Variants in HIP1 observed in about 807,000 individuals in gnomAD.
HIP1 encodes the protein huntingtin interacting protein 1.
A neutral mutation model predicts 147.6 loss-of-function variants in HIP1; 65 were observed. The ratio of observed to expected loss-of-function variants is 0.44; its 90% CI spans 0.36 to 0.54. The LOEUF (loss-of-function observed/expected upper bound fraction) is 0.54, where lower values mean the gene tolerates loss of function less well. HIP1 is among the 20% of genes least tolerant of loss of function. The pLI is 0.00. For missense variants in HIP1, 1,061 were observed against 1,299.6 expected, an observed-to-expected ratio of 0.82 and a Z score of 2.82; for synonymous variants, 479 against 504.0, an observed-to-expected ratio of 0.95 and a Z score of 0.67.
intron 1 of HIP1, among the ~76,000 whole-genome samples, chr7:75,663,962 A>G (rs138046786): frequency 0.016 from 464 of 29,440 alleles, 39 homozygotes; most frequent in Non-Finnish European, 0.018. Context: ...ATATATGTGT[A>G]TATATATATA....
intron 1 of HIP1, among the ~76,000 whole-genome samples, chr7:75,632,038 G>A (rs1281953002): frequency 3.3e-5 from 5 of 152,190 alleles, no homozygotes; most frequent in Non-Finnish European, 7.3e-5. Context: ...GCAACTCGGA[G>A]GGGCCTCCGA....
intron 1 of HIP1, among the ~76,000 whole-genome samples, chr7:75,643,874 C>T (rs57168743): frequency 0.049 from 7,523 of 152,106 alleles, 212 homozygotes; most frequent in African/African-American, 0.075. Flanking sequence ...GTGGCAGGCA[C>T]CTGTAATCTC....
At chr7:75,701,693 T>C (rs1800838276) in intron 1 of HIP1, among the ~76,000 whole-genome samples, 1 of 151,928 alleles carries the variant, frequency 6.6e-6, no homozygotes, top group Non-Finnish European at 1.5e-5. Context: ...CTACTAAAAA[T>C]AATTAAAGAA....
intron 1 of HIP1, among the ~76,000 whole-genome samples, chr7:75,601,556 A>G (rs1414423002): frequency 6.6e-6 from 1 of 151,778 alleles, no homozygotes; most frequent in Non-Finnish European, 1.5e-5. Context: ...AGATTCCACA[A>G]TTGCACTCCA....
chr7:75,729,674 T>C (rs1801770128), intron 1 of HIP1, among the ~76,000 whole-genome samples: 1 of 151,970 alleles, frequency 6.6e-6, no homozygotes, highest in African/African-American at 2.4e-5. Flanking sequence ...TAATCCCAGC[T>C]ACTCAGGAGG....
At chr7:75,542,189 A>C (rs782524254) in intron 28 of HIP1, among the ~76,000 whole-genome samples, 11 of 152,014 alleles carry the variant, frequency 7.2e-5, no homozygotes, top group East Asian at 3.9e-4. Context: ...TGAGGTCAGG[A>C]GTTTGAGACC....
At chr7:75,688,584 C>T (rs2117290672) in intron 1 of HIP1, among the ~76,000 whole-genome samples, 1 of 152,158 alleles carries the variant, frequency 6.6e-6, no homozygotes, top group Non-Finnish European at 1.5e-5. Context: ...GCCCCCCACG[C>T]ACACCCTCCA....
At chr7:75,670,474 T>C (rs1039760855) in intron 1 of HIP1, among the ~76,000 whole-genome samples, 3 of 152,154 alleles carry the variant, frequency 2.0e-5, no homozygotes, top group African/African-American at 7.2e-5. Context: ...ATTATCACTG[T>C]TTTTAAGTGT....
At chr7:75,614,589 T>C (rs587601466) in intron 1 of HIP1, among the ~76,000 whole-genome samples, 1 of 152,276 alleles carries the variant, frequency 6.6e-6, no homozygotes, top group East Asian at 1.9e-4. Context: ...GATTGCTTAA[T>C]GGGAACAGGG....
rs185760664 is a variant in HIP1, at chr7:75,631,136, T to A, written c.121-31889A>T. Among the ~76,000 whole-genome samples, 988 of 144,548 alleles carry A rather than the reference T, an allele frequency of 6.8e-3. 13 individuals carry two copies. The highest frequency in any genetic ancestry group is 0.023 in the African/African-American group (930 of 41,112). The allele number at this position is 144,548 out of a possible 152,430, so 94.8% of individuals were successfully genotyped here. On this transcript the variant is annotated intron_variant, in intron 1 of 30. Coordinates refer to ENST00000336926, the MANE Select transcript of HIP1 (RefSeq NM_005338.7). ...CGACCAAACCCAGATAATTTGTTTT[T>A]TAAATTTTTTTTTTTTTAGTAGAGA... is the stretch of plus-strand genomic sequence containing the variant.
At chr7:75,599,150 G>C in intron 2 of HIP1, 34 bp downstream of exon 2, 14 of 1,552,756 alleles carry the variant, frequency 9.0e-6, no homozygotes, top group Non-Finnish European at 1.2e-5. Flanking sequence ...ACCTCCCTCA[G>C]GGTCGGTCTT....
intron 1 of HIP1, among the ~76,000 whole-genome samples, chr7:75,730,341 A>AT (rs113646244): frequency 0.21 from 30,609 of 143,274 alleles, 3,831 homozygotes; most frequent in East Asian, 0.46. Flanking sequence ...GTAAAATAGG[A>AT]TTTTTTTTTT....
At position 75,546,899 on chromosome 7, in the gene HIP1, A is replaced by G. The variant is rs1209753329; in HGVS notation, c.2559+40T>C. The G allele has an allele frequency of 2.1e-6, 3 of 1,411,244 alleles. No homozygotes were observed. The African/African-American group carries it at 4.3e-5, about 20-fold the overall frequency. The allele number at this position is 1,411,244 out of a possible 1,614,324, so 87.4% of individuals were successfully genotyped here. A position where few individuals can be genotyped will look rare whatever the true frequency, so the allele number is the denominator to read the frequency against. ...CCGTTGGAGCGGGAGTCTGTCACCA[A>G]TGCCTCCTCTTCCTGCCCAGGGCCC... On this transcript the variant is annotated intron_variant, in intron 25 of 30. Transcript: ENST00000336926.
At chr7:75,664,287 T>C (rs1269905063) in intron 1 of HIP1, among the ~76,000 whole-genome samples, 7 of 53,436 alleles carry the variant, frequency 1.3e-4, no homozygotes, top group Admixed American at 1.0e-3. Flanking sequence ...TATACACACA[T>C]ATATGTATGT....
intron 8 of HIP1, among the ~76,000 whole-genome samples, chr7:75,569,487 T>C (rs782070326): frequency 2.6e-5 from 4 of 152,068 alleles, no homozygotes; most frequent in Non-Finnish European, 4.4e-5. Context: ...ATGTGCACTG[T>C]AGTCTTAGCT....
intron 1 of HIP1, among the ~76,000 whole-genome samples, chr7:75,726,791 C>T (rs1801664053): frequency 6.6e-6 from 1 of 150,444 alleles, no homozygotes; most frequent in Admixed American, 6.6e-5. Context: ...TCACTGCAAC[C>T]TCCGCCTCCC....
intron 1 of HIP1, among the ~76,000 whole-genome samples, chr7:75,635,867 A>G (rs1036581377): frequency 1.3e-5 from 2 of 150,950 alleles, no homozygotes; most frequent in African/African-American, 4.9e-5. Flanking sequence ...TGCAAAAAAT[A>G]CAAAAATTAG....
rs1554493716 is a variant in HIP1, at chr7:75,557,719, A to T, written c.1516T>A (p.Leu506Met). 3.7e-6 allele frequency: 6 copies of T among 1,614,018 alleles called. No individual in the cohort carries two copies. In the Admixed American group the frequency reaches 1.0e-4, roughly 27 times the overall value. Residue 506 changes from leucine (L) to methionine (M), a missense_variant, in exon 16 of 31, where the codon TTG (leucine) becomes ATG (methionine). Transcript: ENST00000336926. ...VSMARQAQVD[L>M]EREKKELEDS... ...TCCAGCTCTTTTTTCTCTCGTTCCAAATCTACCTGGGCTTGTCTGGCCATG... is the reference window on the plus strand; with the variant it reads ...TCCAGCTCTTTTTTCTCTCGTTCCATATCTACCTGGGCTTGTCTGGCCATG...
At position 75,536,662 on chromosome 7, in the gene HIP1, G is replaced by A. The variant is rs907958611; in HGVS notation, c.*1510C>T. On this transcript the variant is annotated 3_prime_UTR_variant, in exon 31 of 31. Transcript: ENST00000336926. Reference sequence around the variant, plus strand: ...AGAGCCTGGGGCATGTGGCTGAAAGGAGTTGGAGCCGCTGGCTCTGTCCTT... The same window carrying A: ...AGAGCCTGGGGCATGTGGCTGAAAGAAGTTGGAGCCGCTGGCTCTGTCCTT... 8.7e-6 allele frequency: 2 copies of A among 229,552 alleles called. No homozygotes were observed. Among genetic ancestry groups the A allele is most frequent in the Non-Finnish European group, 1.7e-5 (2 of 115,922 alleles). 14.2% of individuals were successfully genotyped at this position (229,552 alleles called of 1,614,324 possible).
Sources: allele counts gnomAD v4.1 joint callset (sites outside exome capture counted in the v4.1 genomes callset), GRCh38; gene constraint gnomAD v4.1.1; transcripts MANE v1.5; gene names NCBI Gene and HGNC (gene_info 2026-07-23, HGNC 2026-07-21).